ZYG11B: variants seen among roughly 807,000 people sequenced by gnomAD.
ZYG11B encodes the protein zyg-11 family member B, cell cycle regulator, also known as protein zyg-11 homolog B.
Under a neutral mutation model 82.4 loss-of-function variants are expected in ZYG11B, and 36 were observed. The observed-to-expected ratio is 0.44, with a 90% CI of 0.33 to 0.58. The LOEUF is 0.58. Among genes scored for constraint, ZYG11B ranks in the 20% least tolerant of loss-of-function variants. The pLI, the probability that ZYG11B is intolerant of heterozygous loss-of-function variation, is 0.02. For synonymous variants in ZYG11B, 303 were observed against 312.8 expected, an observed-to-expected ratio of 0.97 and a Z score of 0.33; for missense variants, 552 against 895.6, an observed-to-expected ratio of 0.62 and a Z score of 4.90.
chr1:52,759,718 C>T (rs1479954954), intron 2 of ZYG11B, among the ~76,000 whole-genome samples: 1 of 152,168 alleles, frequency 6.6e-6, no homozygotes, highest in Admixed American at 6.5e-5. Flanking sequence ...AAACATGTTG[C>T]CAGTTCTTGT....
At chr1:52,749,089 G>A (rs1026736621) in intron 1 of ZYG11B, among the ~76,000 whole-genome samples, 25 of 152,020 alleles carry the variant, frequency 1.6e-4, no homozygotes, top group African/African-American at 5.8e-4. Context: ...TGTAATCCCA[G>A]GTACTTGGGA....
chr1:52,743,998 T>C (rs1055520102), intron 1 of ZYG11B, among the ~76,000 whole-genome samples: 13 of 151,914 alleles, frequency 8.6e-5, no homozygotes, highest in Non-Finnish European at 4.4e-5. Context: ...AGTGGCACAA[T>C]TGATCTCAGC....
chr1:52,795,028 C>T (rs1291631590), intron 6 of ZYG11B, among the ~76,000 whole-genome samples: 3 of 152,176 alleles, frequency 2.0e-5, no homozygotes, highest in Non-Finnish European at 4.4e-5. Context: ...GGCTTTCCCT[C>T]TCATTCAGAG....
At chr1:52,762,979 G>GC (rs1001992325) in intron 2 of ZYG11B, among the ~76,000 whole-genome samples, 34 of 130,364 alleles carry the variant, frequency 2.6e-4, no homozygotes, top group East Asian at 1.2e-3. Flanking sequence ...GAGAGATTGG[G>GC]GGGGGGGGGT....
chr1:52,789,878 G>C, intron 5 of ZYG11B, 125 bp from the exon 6 acceptor site: 1 of 594,382 alleles, frequency 1.7e-6, no homozygotes, highest in African/African-American at 1.9e-5. Context: ...GGCAGATAAA[G>C]ATTGTAAGAA....
intron 1 of ZYG11B, among the ~76,000 whole-genome samples, chr1:52,749,355 T>C (rs933425226): frequency 6.6e-6 from 1 of 152,166 alleles, no homozygotes; most frequent in Admixed American, 6.5e-5. Flanking sequence ...GTTTAGTGTA[T>C]CTGGCAGGTA....
At chr1:52,780,834 T>A (rs2149944842) in intron 4 of ZYG11B, among the ~76,000 whole-genome samples, 1 of 152,290 alleles carries the variant, frequency 6.6e-6, no homozygotes, top group South Asian at 2.1e-4. Flanking sequence ...TTGAATGCTT[T>A]GGGCAACATT....
At chr1:52,776,232 A>ATATATATATATATATATATATATATC (rs1644807995) in intron 3 of ZYG11B, among the ~76,000 whole-genome samples, 1 of 96,054 alleles carries the variant, frequency 1.0e-5, no homozygotes, top group Non-Finnish European at 2.3e-5. Context: ...AAAAAAAAAT[A>ATATATATATATATATATATATATATC]TATATATATA....
chr1:52,812,105 A>G (rs1283704027), intron 10 of ZYG11B, among the ~76,000 whole-genome samples: 4 of 151,290 alleles, frequency 2.6e-5, no homozygotes, highest in Non-Finnish European at 5.9e-5. Flanking sequence ...AATTATATTT[A>G]TAATATTTAT....
chr1:52,726,727 T>C (rs1326202622), intron 1 of ZYG11B, 44 bp downstream of exon 1: 1 of 1,439,736 alleles, frequency 6.9e-7, no homozygotes, highest in South Asian at 1.4e-5. Context: ...CCCGCCACCC[T>C]AGCCCCCGCC....
Position 52,790,047 on chromosome 1 carries a change from T to C in ZYG11B, c.1314T>C (p.Leu438=). 6.3e-7 allele frequency: 1 copy of C among 1,594,174 alleles called. No homozygotes were observed. The highest frequency in any genetic ancestry group is 2.2e-5 in the East Asian group (1 of 44,560). Residue 438 remains leucine, a synonymous_variant, in exon 6 of 14, where the codon CTT becomes CTC. Transcript: ENST00000294353. ...CLLSLCSDRI[L]QDVPFNRFEA... ...TTTCACTTTGCAGTGACCGGATCCT[T>C]CAAGATGTTCCATTTAACAGGCAAG...
chr1:52,726,606 G>A lies in ZYG11B; in HGVS notation c.-48G>A, dbSNP rs1403084026. 1 of 1,397,380 alleles carries A rather than the reference G, an allele frequency of 7.2e-7. No homozygotes were observed. The highest frequency in any genetic ancestry group is 3.3e-5 in the Admixed American group (1 of 30,170). 86.6% of individuals were successfully genotyped at this position (1,397,380 alleles called of 1,614,324 possible). A position where few individuals can be genotyped will look rare whatever the true frequency, so the allele number is the denominator to read the frequency against. On this transcript the variant is annotated 5_prime_UTR_variant, in exon 1 of 14. Coordinates refer to ENST00000294353, the MANE Select transcript of ZYG11B (RefSeq NM_024646.3). ...GGAGCCTCCGCGCCGGCTCAGCCTG[G>A]GGGCGGGCTCCGGTCCGGCCCGCCG...
intron 6 of ZYG11B, among the ~76,000 whole-genome samples, chr1:52,796,005 A>G: frequency 6.6e-6 from 1 of 152,218 alleles, no homozygotes; most frequent in East Asian, 1.9e-4. Context: ...GGAAATCACT[A>G]TAATTTAGAA....
At chr1:52,756,683 G>A (rs1644579837) in intron 2 of ZYG11B, 60 bp downstream of exon 2, 12 of 1,517,118 alleles carry the variant, frequency 7.9e-6, no homozygotes, top group East Asian at 2.3e-5. Context: ...TGATTTTGAA[G>A]TGCTACAGTA....
intron 8 of ZYG11B, among the ~76,000 whole-genome samples, chr1:52,797,169 A>G (rs1645024824): frequency 1.5e-5 from 1 of 67,678 alleles, no homozygotes; most frequent in Non-Finnish European, 2.2e-5. Context: ...TATATTATAT[A>G]TTATATATAT....
intron 1 of ZYG11B, among the ~76,000 whole-genome samples, chr1:52,751,608 G>C (rs988590270): frequency 1.3e-5 from 2 of 152,078 alleles, no homozygotes; most frequent in Non-Finnish European, 2.9e-5. Context: ...ACTCCAGCCT[G>C]AGTGACAGAG....
intron 2 of ZYG11B, among the ~76,000 whole-genome samples, chr1:52,770,085 TATATA>T (rs1461471905): frequency 2.8e-4 from 21 of 73,742 alleles, no homozygotes; most frequent in East Asian, 2.0e-3. Context: ...TATATATATA[TATATA>T]TATTTTTTTT....
At chr1:52,797,445 T>TCATATATGATA (rs1645033946) in intron 8 of ZYG11B, among the ~76,000 whole-genome samples, 2 of 108,416 alleles carry the variant, frequency 1.8e-5, no homozygotes, top group East Asian at 2.5e-4. Context: ...AACATATATA[T>TCATATATGATA]TATATATCAT....
At chr1:52,767,563 A>G (rs1644708682) in intron 2 of ZYG11B, among the ~76,000 whole-genome samples, 1 of 152,110 alleles carries the variant, frequency 6.6e-6, no homozygotes, top group Non-Finnish European at 1.5e-5. Flanking sequence ...TCGGCCTCCC[A>G]AAGTGCTGGG....
Sources: allele counts gnomAD v4.1 joint callset (sites outside exome capture counted in the v4.1 genomes callset), GRCh38; gene constraint gnomAD v4.1.1; transcripts MANE v1.5; gene names NCBI Gene and HGNC (gene_info 2026-07-23, HGNC 2026-07-21).